Variants in PTPRT observed in about 807,000 individuals in gnomAD.
The protein encoded by PTPRT is receptor-type tyrosine-protein phosphatase T.
PTPRT carries 56 observed loss-of-function variants against 176.8 expected under a neutral mutation model. The ratio of observed to expected loss-of-function variants is 0.32; its 90% CI spans 0.26 to 0.40. PTPRT has a LOEUF of 0.40. Among genes scored for constraint, PTPRT ranks in the 10% least tolerant of loss-of-function variants. PTPRT has a pLI of 1.00. For synonymous variants in PTPRT, 783 were observed against 739.0 expected (o/e 1.06, Z -0.96); for missense variants, 1,540 against 1,908.2 (o/e 0.81, Z 3.60).
chr20:42,049,732 C>T, the PTPRT span, among the ~76,000 whole-genome samples: 7 of 152,098 alleles, frequency 4.6e-5, no homozygotes, highest in African/African-American at 1.7e-4. Flanking sequence ...CAGAAGCACC[C>T]CCATCTCATT....
intron 3 of PTPRT, among the ~76,000 whole-genome samples, chr20:42,784,762 T>C (rs1028380285): frequency 1.3e-5 from 2 of 152,136 alleles, no homozygotes; most frequent in Admixed American, 6.5e-5. Context: ...TAATTTTTCC[T>C]AGGCAGGTGA....
intron 11 of PTPRT, among the ~76,000 whole-genome samples, chr20:42,332,376 A>AT (rs750991991): frequency 6.6e-5 from 10 of 151,614 alleles, no homozygotes; most frequent in Non-Finnish European, 1.0e-4. Flanking sequence ...CGCCTGGCTA[A>AT]TTTTTTTGTA....
At chr20:42,114,092 T>C (rs1203815077) in intron 22 of PTPRT, among the ~76,000 whole-genome samples, 2 of 152,236 alleles carry the variant, frequency 1.3e-5, no homozygotes, top group Admixed American at 6.5e-5. Flanking sequence ...AAGTCCCCAG[T>C]GCTTTTGCAT....
intron 1 of PTPRT, among the ~76,000 whole-genome samples, chr20:42,946,629 A>G (rs1367323782): frequency 1.3e-5 from 2 of 152,156 alleles, no homozygotes; most frequent in African/African-American, 2.4e-5. Flanking sequence ...CTGGCAAAAA[A>G]TTCAGTCTCA....
At chr20:42,753,437 A>G (rs1262611440) in intron 6 of PTPRT, among the ~76,000 whole-genome samples, 10 of 152,256 alleles carry the variant, frequency 6.6e-5, no homozygotes, top group Non-Finnish European at 1.3e-4. Context: ...TGGGCACTAA[A>G]AAACTGATAA....
chr20:42,599,380 CA>C (rs1185697488), intron 7 of PTPRT, among the ~76,000 whole-genome samples: 1 of 152,180 alleles, frequency 6.6e-6, no homozygotes, highest in African/African-American at 2.4e-5. Flanking sequence ...GTTGATTCTG[CA>C]AACCACCGGA....
chr20:42,140,943 A>T (rs987923315), intron 18 of PTPRT, among the ~76,000 whole-genome samples: 1 of 152,100 alleles, frequency 6.6e-6, no homozygotes, highest in African/African-American at 2.4e-5. Context: ...AAAGGGGAGG[A>T]ATCAAAAGTT....
At chr20:42,572,924 T>G (rs1003862744) in intron 7 of PTPRT, among the ~76,000 whole-genome samples, 3 of 145,798 alleles carry the variant, frequency 2.1e-5, no homozygotes, top group African/African-American at 5.0e-5. Flanking sequence ...AAGTTTTTGT[T>G]TTTTTTTTTT....
chr20:42,952,136 C>T (rs527370943), intron 1 of PTPRT, among the ~76,000 whole-genome samples: 1 of 152,320 alleles, frequency 6.6e-6, no homozygotes, highest in East Asian at 1.9e-4. Flanking sequence ...AGCCTACTTC[C>T]TCCCCTCTCC....
chr20:42,094,280 G>A (rs560863876), intron 27 of PTPRT, among the ~76,000 whole-genome samples: 13 of 152,294 alleles, frequency 8.5e-5, no homozygotes, highest in Admixed American at 4.6e-4. Context: ...AGCCAAAAGC[G>A]TAGGGTGGTG....
chr20:42,774,100 C>T (rs150839487), intron 4 of PTPRT, among the ~76,000 whole-genome samples: 1 of 152,184 alleles, frequency 6.6e-6, no homozygotes, highest in East Asian at 1.9e-4. Flanking sequence ...TGTGAATATT[C>T]TGGGGAAATA....
At chr20:42,867,113 T>A (rs1019580067) in intron 2 of PTPRT, among the ~76,000 whole-genome samples, 20 of 152,332 alleles carry the variant, frequency 1.3e-4, no homozygotes, top group Middle Eastern at 3.4e-3. Flanking sequence ...AAACTCCTCA[T>A]CAAAATTCTA....
chr20:43,069,873 A>G lies in PTPRT; in HGVS notation c.88+119773T>C, dbSNP rs562310089. ...GGACAGCCTTCCTGTGATTTATACA[A>G]TATCAATTGGAAAAGCATCCTATTT... On this transcript the variant is annotated intron_variant, in intron 1 of 30. Coordinates refer to ENST00000373187, the MANE Select transcript of PTPRT (RefSeq NM_007050.6). Among the ~76,000 whole-genome samples, 10 of 152,292 alleles carry G rather than the reference A, an allele frequency of 6.6e-5. No homozygotes were observed. The South Asian group carries it at 1.0e-3, about 16-fold the overall frequency.
intron 12 of PTPRT, among the ~76,000 whole-genome samples, chr20:42,283,181 GCA>G (rs892578851): frequency 2.0e-5 from 3 of 152,240 alleles, no homozygotes; most frequent in Non-Finnish European, 4.4e-5. Context: ...ATGTTGCTGG[GCA>G]CACAGTGGAG....
intron 7 of PTPRT, among the ~76,000 whole-genome samples, chr20:42,595,831 C>T (rs547294755): frequency 5.9e-5 from 9 of 152,294 alleles, no homozygotes; most frequent in Non-Finnish European, 8.8e-5. Flanking sequence ...TGGCACCTCA[C>T]CCCCACACCT....
intron 6 of PTPRT, among the ~76,000 whole-genome samples, chr20:42,734,384 C>T (rs2146272988): frequency 6.6e-6 from 1 of 152,268 alleles, no homozygotes; most frequent in South Asian, 2.1e-4. Flanking sequence ...TCCCTCTAGC[C>T]CTGAGAGTCT....
At chr20:42,421,055 T>C (rs1023330820) in intron 9 of PTPRT, among the ~76,000 whole-genome samples, 8 of 152,178 alleles carry the variant, frequency 5.3e-5, no homozygotes, top group Non-Finnish European at 1.2e-4. Flanking sequence ...CAGGTGTCTG[T>C]TCTTGGTTGA....
At chr20:43,160,748 T>A (rs1224398422) in intron 1 of PTPRT, among the ~76,000 whole-genome samples, 2 of 152,102 alleles carry the variant, frequency 1.3e-5, no homozygotes, top group Non-Finnish European at 2.9e-5. Context: ...GAAGCCAGAA[T>A]AGTGGTTAAC....
At chr20:42,943,367 C>T (rs1028321439) in intron 1 of PTPRT, among the ~76,000 whole-genome samples, 7 of 152,184 alleles carry the variant, frequency 4.6e-5, no homozygotes, top group East Asian at 1.9e-4. Context: ...TGAAGGGATA[C>T]GCACGCAGAG....
Sources: allele counts gnomAD v4.1 joint callset (sites outside exome capture counted in the v4.1 genomes callset), GRCh38; gene constraint gnomAD v4.1.1; transcripts MANE v1.5; gene names NCBI Gene and HGNC (gene_info 2026-07-23, HGNC 2026-07-21).